Variants in TNIK observed in about 807,000 individuals in gnomAD.
The protein encoded by TNIK is TRAF2 and NCK interacting kinase, also known as TRAF2 and NCK-interacting protein kinase.
A neutral mutation model predicts 191.3 loss-of-function variants in TNIK; 49 were observed. That is an observed-to-expected ratio of 0.26 (90% CI 0.20 to 0.32). The LOEUF (loss-of-function observed/expected upper bound fraction) is 0.32. TNIK is among the 10% of genes least tolerant of loss of function. The pLI is 1.00. For synonymous variants in TNIK, 594 were observed against 600.9 expected, an observed-to-expected ratio of 0.99 and a Z score of 0.17; for missense variants, 1,155 against 1,702.3, an observed-to-expected ratio of 0.68 and a Z score of 5.66.
At chr3:171,420,842 C>T (rs1723706324) in intron 1 of TNIK, among the ~76,000 whole-genome samples, 1 of 152,172 alleles carries the variant, frequency 6.6e-6, no homozygotes, top group Admixed American at 6.6e-5. Flanking sequence ...GGGAGGGCAG[C>T]ATCTATTGTG....
chr3:171,137,867 A>T (rs1305089292), intron 15 of TNIK, among the ~76,000 whole-genome samples: 1 of 152,166 alleles, frequency 6.6e-6, no homozygotes, highest in Non-Finnish European at 1.5e-5. Flanking sequence ...GGTCACTAAA[A>T]ATCCTCCATG....
intron 1 of TNIK, among the ~76,000 whole-genome samples, chr3:171,409,006 G>T (rs972445127): frequency 1.3e-4 from 20 of 151,956 alleles, no homozygotes; most frequent in East Asian, 9.7e-4. Context: ...GCATAGTTCA[G>T]CCCCCTTCAG....
chr3:171,450,478 A>G (rs1326105270), intron 1 of TNIK, among the ~76,000 whole-genome samples: 2 of 152,216 alleles, frequency 1.3e-5, no homozygotes, highest in African/African-American at 2.4e-5. Flanking sequence ...AACGGGACCC[A>G]GCACTGCATT....
intron 2 of TNIK, among the ~76,000 whole-genome samples, chr3:171,256,190 A>G (rs373549050): frequency 4.4e-4 from 67 of 152,180 alleles, no homozygotes; most frequent in African/African-American, 1.6e-3. Flanking sequence ...TTTTTCATCA[A>G]TTATTTTCTT....
rs1228652583 is a variant in TNIK at position 171,108,156 on chromosome 3, C to T, written c.2291G>A (p.Ser764Asn). ...SSERTRVRAN[S>N]KSEGSPVLPH... Reference sequence around the variant, plus strand: ...GAGCACAGGTGATCCTTCTGACTTACTGTTGGCTAGAGGAAAAAAACAGAG... The same window carrying T: ...GAGCACAGGTGATCCTTCTGACTTATTGTTGGCTAGAGGAAAAAAACAGAG... Residue 764 changes from serine (S) to asparagine (N), a missense_variant, in exon 20 of 33, where the codon AGT becomes AAT. Ser to Asn is a conservative substitution (Grantham distance 46). This residue lies in a region of TNIK where 735 missense variants were observed against 848.0 expected (regional missense o/e 0.87). Coordinates refer to ENST00000436636, the MANE Select transcript of TNIK (RefSeq NM_015028.4). 1.4e-5 allele frequency: 21 copies of T among 1,549,174 alleles called. No individual in the cohort carries two copies. The Admixed American group carries it at 3.9e-4, about 29-fold the overall frequency.
chr3:171,068,793 C>T (rs1718796220), intron 30 of TNIK, 55 bp downstream of exon 30: 1 of 1,515,912 alleles, frequency 6.6e-7, no homozygotes, highest in Middle Eastern at 1.7e-4. Context: ...AAATCTCTTT[C>T]TACATGCAGG....
intron 19 of TNIK, among the ~76,000 whole-genome samples, chr3:171,108,404 C>A (rs1407806441): frequency 6.6e-6 from 1 of 152,208 alleles, no homozygotes; most frequent in African/African-American, 2.4e-5. Flanking sequence ...CAAGTACTAT[C>A]ACCACTAGAG....
At chr3:171,444,211 T>G (rs1727190828) in intron 1 of TNIK, among the ~76,000 whole-genome samples, 1 of 152,194 alleles carries the variant, frequency 6.6e-6, no homozygotes, top group Non-Finnish European at 1.5e-5. Context: ...GTGGATTAAA[T>G]AGCAACATGG....
At chr3:171,175,128 C>T in intron 9 of TNIK, 124 bp downstream of exon 9, 1 of 925,062 alleles carries the variant, frequency 1.1e-6, no homozygotes, top group East Asian at 2.7e-5. Context: ...GAAAGTAATT[C>T]ACCAAGTCAT....
At chr3:171,108,516 C>T (rs974912255) in intron 19 of TNIK, among the ~76,000 whole-genome samples, 19 of 152,172 alleles carry the variant, frequency 1.2e-4, no homozygotes, top group Non-Finnish European at 2.6e-4. Flanking sequence ...TCCTATTTTA[C>T]AGAACACAGA....
chr3:171,288,489 C>T (rs539750703), intron 2 of TNIK, among the ~76,000 whole-genome samples: 10 of 152,144 alleles, frequency 6.6e-5, no homozygotes, highest in Admixed American at 2.0e-4. Flanking sequence ...TCAGGAGCCA[C>T]GGACAACAAA....
At chr3:171,424,499 G>T (rs111354758) in intron 1 of TNIK, among the ~76,000 whole-genome samples, 6,063 of 152,166 alleles carry the variant, frequency 0.04, 407 homozygotes, top group African/African-American at 0.14. Flanking sequence ...ACCCAAAGGA[G>T]TATAAAACAT....
chr3:171,234,937 A>G (rs1027246339), intron 2 of TNIK, among the ~76,000 whole-genome samples: 1 of 152,246 alleles, frequency 6.6e-6, no homozygotes, highest in African/African-American at 2.4e-5. Context: ...CCAAAAAATG[A>G]GCACAAAACC....
intron 1 of TNIK, among the ~76,000 whole-genome samples, chr3:171,445,113 C>G (rs1359356094): frequency 1.3e-5 from 2 of 152,030 alleles, no homozygotes; most frequent in Non-Finnish European, 2.9e-5. Flanking sequence ...TTGCTGGTCC[C>G]CATCCTAAGA....
At chr3:171,152,061 A>C (rs1732507600) in intron 12 of TNIK, among the ~76,000 whole-genome samples, 1 of 152,090 alleles carries the variant, frequency 6.6e-6, no homozygotes, top group African/African-American at 2.4e-5. Context: ...CAGGCAGATC[A>C]CTTGAGGCCA....
intron 9 of TNIK, among the ~76,000 whole-genome samples, chr3:171,173,290 G>T (rs1735561088): frequency 6.6e-6 from 1 of 151,574 alleles, no homozygotes; most frequent in Non-Finnish European, 1.5e-5. Flanking sequence ...TAGCTACTCA[G>T]GAGACTGAGG....
intron 2 of TNIK, among the ~76,000 whole-genome samples, chr3:171,231,316 TG>T (rs1013641257): frequency 4.0e-5 from 6 of 148,982 alleles, no homozygotes; most frequent in Admixed American, 6.6e-5. Flanking sequence ...GTTGTTGTTT[TG>T]TTTTTTTTTT....
At chr3:171,341,315 A>G (rs1757486702) in intron 2 of TNIK, among the ~76,000 whole-genome samples, 1 of 151,772 alleles carries the variant, frequency 6.6e-6, no homozygotes, top group Non-Finnish European at 1.5e-5. Context: ...TCTACTAAAA[A>G]TACAAAAATT....
At chr3:171,393,442 T>C (rs970396656) in intron 1 of TNIK, among the ~76,000 whole-genome samples, 2 of 152,234 alleles carry the variant, frequency 1.3e-5, no homozygotes, top group African/African-American at 4.8e-5. Context: ...GGCAGATCTC[T>C]AAATTATCCC....
Sources: allele counts gnomAD v4.1 joint callset (sites outside exome capture counted in the v4.1 genomes callset), GRCh38; gene constraint gnomAD v4.1.1; regional missense constraint gnomAD v4.1.1; transcripts MANE v1.5; gene names NCBI Gene and HGNC (gene_info 2026-07-23, HGNC 2026-07-21).